RHOG: variants seen among roughly 807,000 people sequenced by gnomAD.
The protein encoded by RHOG is rho-related GTP-binding protein RhoG.
Under a neutral mutation model 12.3 loss-of-function variants are expected in RHOG, and 1 was observed. That is an observed-to-expected ratio of 0.08 (90% CI 0.03 to 0.39). The LOEUF (loss-of-function observed/expected upper bound fraction) is 0.39, where lower values mean the gene tolerates loss of function less well. Ranked by LOEUF, RHOG falls within the 10% of genes least tolerant of loss-of-function variation. The probability of loss-of-function intolerance (pLI) is 0.99; values close to 1 mark genes in which losing one functional copy is unlikely to be tolerated. For missense variants in RHOG, 114 were observed against 266.2 expected (o/e 0.43, Z 3.98); for synonymous variants, 129 against 116.0 (o/e 1.11, Z -0.72).
Position 3,827,214 on chromosome 11 carries a change from A to G in RHOG, c.*349T>C. ...GAGATGGCTGAGAGCCCCTAACCTG[A>G]GGCGGCACCACAATAGGCAGCAACA... On this transcript the variant is annotated 3_prime_UTR_variant, in exon 2 of 2. Transcript: ENST00000351018. The surrounding 1 kb of genome is among the most constrained non-coding windows in gnomAD (Gnocchi z 7.3). The G allele has an allele frequency of 3.5e-6, 1 of 287,554 alleles. No homozygotes were observed. Among genetic ancestry groups the G allele is most frequent in the Non-Finnish European group, 6.6e-6 (1 of 150,894 alleles). The allele number at this position is 287,554 out of a possible 1,614,324, so 17.8% of individuals were successfully genotyped here.
chr11:3,828,761 C>G (rs767271845), intron 1 of RHOG, among the ~76,000 whole-genome samples: 1 of 151,484 alleles, frequency 6.6e-6, no homozygotes, highest in East Asian at 1.9e-4. Context: ...GCTGGGACTA[C>G]AGGCACCCAC....
chr11:3,831,416 G>C (rs576158079), intron 1 of RHOG, among the ~76,000 whole-genome samples: 1 of 151,962 alleles, frequency 6.6e-6, no homozygotes, highest in East Asian at 1.9e-4. Flanking sequence ...GAGAGAGAGT[G>C]TGTGTGTGTG....
intron 1 of RHOG, among the ~76,000 whole-genome samples, chr11:3,834,457 G>GT: frequency 6.6e-6 from 1 of 152,300 alleles, no homozygotes; most frequent in South Asian, 2.1e-4. Context: ...CTGAAGCCCA[G>GT]TATCGGACAC....
At chr11:3,832,788 G>A (rs1431714825) in intron 1 of RHOG, among the ~76,000 whole-genome samples, 1 of 152,224 alleles carries the variant, frequency 6.6e-6, no homozygotes, top group Non-Finnish European at 1.5e-5. Context: ...TCTAAACTGT[G>A]CCAAACAGGA....
At position 3,827,620 on chromosome 11, in the gene RHOG, G is replaced by A. The variant is rs1419325822; in HGVS notation, c.519C>T (p.Val173=). The A allele has an allele frequency of 1.2e-6, 2 of 1,612,824 alleles. No homozygotes were observed. Among genetic ancestry groups the A allele is most frequent in the African/African-American group, 1.3e-5 (1 of 75,072 alleles). ...DGVKEVFAEA[V]RAVLNPTPIK... is the part of the protein sequence containing the mutation. ...TCGGCGTGGGGTTGAGCACAGCCCG[G>A]ACAGCCTCGGCGAACACTTCCTTGA... Residue 173 remains valine (V), a synonymous_variant, in exon 2 of 2, where the codon GTC becomes GTT. Coordinates refer to ENST00000351018, the MANE Select transcript of RHOG (RefSeq NM_001665.4). The surrounding 1 kb of genome is among the most constrained non-coding windows in gnomAD (Gnocchi z 7.3).
intron 1 of RHOG, among the ~76,000 whole-genome samples, chr11:3,838,036 C>T (rs1051209384): frequency 1.3e-5 from 2 of 152,188 alleles, no homozygotes; most frequent in Non-Finnish European, 2.9e-5. Context: ...GGGGAGGTGG[C>T]CCAGGCTTTG....
rs774048894 is a variant in RHOG at position 3,827,764 on chromosome 11, G to A, written c.375C>T (p.Thr125=). 3 of 1,613,872 alleles carry A rather than the reference G, an allele frequency of 1.9e-6. No individual in the cohort carries two copies. Among genetic ancestry groups the A allele is most frequent in the Non-Finnish European group, 2.5e-6 (3 of 1,179,876 alleles). ...TKKDLRAQPD[T]LRRLKEQGQA... is the part of the protein sequence containing the mutation. ...GGCCCTGCTCCTTGAGGCGCCGTAG[G>A]GTGTCAGGCTGGGCTCTCAGGTCCT... Residue 125 remains threonine (T), a synonymous_variant, in exon 2 of 2, where the codon ACC becomes ACT. Transcript: ENST00000351018. The surrounding 1 kb of genome is among the most constrained non-coding windows in gnomAD (Gnocchi z 7.3).
chr11:3,827,427 A>G lies in RHOG; in HGVS notation c.*136T>C. ...CCTCCTTAAGGAGAAAAAGGCACTC[A>G]GAGAAAAAGGCATTCAGGGAACCCC... On this transcript the variant is annotated 3_prime_UTR_variant, in exon 2 of 2. Transcript: ENST00000351018. The surrounding 1 kb of genome is among the most constrained non-coding windows in gnomAD (Gnocchi z 7.3). The G allele has an allele frequency of 1.4e-6, 1 of 690,702 alleles. No homozygotes were observed. Among genetic ancestry groups the G allele is most frequent in the Non-Finnish European group, 2.4e-6 (1 of 416,082 alleles). The allele number at this position is 690,702 out of a possible 1,614,324, so 42.8% of individuals were successfully genotyped here. A position where few individuals can be genotyped will look rare whatever the true frequency, so the allele number is the denominator to read the frequency against.
chr11:3,828,180 C>G lies in RHOG; in HGVS notation c.-42G>C. On this transcript the variant is annotated 5_prime_UTR_variant, in exon 2 of 2. Transcript: ENST00000351018. ...GTAGTGGAGGCAGTGCCTCCTCTCT[C>G]TTCTGGACCCCTCTGGCTGCAGTGA... is the stretch of plus-strand genomic sequence containing the variant. 1 of 1,546,430 alleles carries G rather than the reference C, an allele frequency of 6.5e-7. No individual in the cohort carries two copies. Among genetic ancestry groups the G allele is most frequent in the Non-Finnish European group, 8.8e-7 (1 of 1,130,384 alleles).
intron 1 of RHOG, among the ~76,000 whole-genome samples, chr11:3,834,667 C>T (rs1366030037): frequency 1.3e-5 from 2 of 152,210 alleles, no homozygotes; most frequent in Non-Finnish European, 2.9e-5. Context: ...CCCAGTGGGG[C>T]CTGGCCTTGG....
intron 1 of RHOG, among the ~76,000 whole-genome samples, chr11:3,839,035 C>G (rs1194566241): frequency 6.6e-6 from 1 of 152,152 alleles, no homozygotes; most frequent in Non-Finnish European, 1.5e-5. Flanking sequence ...CAGAAGGTAG[C>G]AGGAAAGGAG....
chr11:3,827,445 G>A lies in RHOG; in HGVS notation c.*118C>T. On this transcript the variant is annotated 3_prime_UTR_variant, in exon 2 of 2. Coordinates refer to ENST00000351018, the MANE Select transcript of RHOG (RefSeq NM_001665.4). This position sits in a 1 kb window ranked among gnomAD's most constrained non-coding sequence, Gnocchi z 7.3. ...GGCACTCAGAGAAAAAGGCATTCAGGGAACCCCCTGGAAAGGGGTGCCAGA... is the reference window on the plus strand; with the variant it reads ...GGCACTCAGAGAAAAAGGCATTCAGAGAACCCCCTGGAAAGGGGTGCCAGA... The A allele has an allele frequency of 5.0e-6, 4 of 798,550 alleles. No homozygotes were observed. The highest frequency in any genetic ancestry group is 7.8e-6 in the Non-Finnish European group (4 of 509,644). 49.5% of individuals were successfully genotyped at this position (798,550 alleles called of 1,614,324 possible). A position where few individuals can be genotyped will look rare whatever the true frequency, so the allele number is the denominator to read the frequency against.
chr11:3,838,351 T>C (rs1460667456), intron 1 of RHOG, among the ~76,000 whole-genome samples: 2 of 152,260 alleles, frequency 1.3e-5, no homozygotes, highest in South Asian at 2.1e-4. Context: ...GGAGAATCCC[T>C]GTCTCACCCA....
At chr11:3,833,643 T>G (rs1293948512) in intron 1 of RHOG, among the ~76,000 whole-genome samples, 4 of 152,182 alleles carry the variant, frequency 2.6e-5, no homozygotes, top group Non-Finnish European at 5.9e-5. Context: ...TTCCTTATCT[T>G]TCAAATGCAG....
At chr11:3,833,173 G>A (rs971318595) in intron 1 of RHOG, among the ~76,000 whole-genome samples, 21 of 152,178 alleles carry the variant, frequency 1.4e-4, no homozygotes, top group African/African-American at 5.1e-4. Flanking sequence ...TGCCATCACA[G>A]CTCACTGTAG....
At chr11:3,840,644 G>C (rs2090187344) in intron 1 of RHOG, 1 of 151,898 alleles carries the variant, frequency 6.6e-6, no homozygotes, top group Non-Finnish European at 1.5e-5. Flanking sequence ...TCCGACCTCA[G>C]GGGTCCCTCT....
At chr11:3,828,757 A>T (rs866583920) in intron 1 of RHOG, among the ~76,000 whole-genome samples, 17 of 150,886 alleles carry the variant, frequency 1.1e-4, no homozygotes, top group Middle Eastern at 3.4e-3. Flanking sequence ...AGTAGCTGGG[A>T]CTACAGGCAC....
intron 1 of RHOG, among the ~76,000 whole-genome samples, chr11:3,834,522 A>C (rs191157981): frequency 2.8e-4 from 42 of 152,326 alleles, no homozygotes; most frequent in Admixed American, 2.0e-3. Flanking sequence ...ATCGGACAGC[A>C]ATGACAGGCA....
At chr11:3,832,854 G>A (rs982129492) in intron 1 of RHOG, among the ~76,000 whole-genome samples, 5 of 152,104 alleles carry the variant, frequency 3.3e-5, no homozygotes, top group Admixed American at 2.0e-4. Context: ...TATCTGGAGC[G>A]GGGTTCAACA....
Sources: allele counts gnomAD v4.1 joint callset (sites outside exome capture counted in the v4.1 genomes callset), GRCh38; gene constraint gnomAD v4.1.1; non-coding constraint Gnocchi (gnomAD v3.1); transcripts MANE v1.5; gene names NCBI Gene and HGNC (gene_info 2026-07-23, HGNC 2026-07-21).